The following TBATA variants were observed in gnomAD, a reference collection of about 807,000 sequenced individuals.
TBATA encodes protein TBATA.
Under a neutral mutation model 38.7 loss-of-function variants are expected in TBATA, and 47 were observed. The observed-to-expected ratio is 1.21, with a 90% confidence interval of 0.96 to 1.55. The LOEUF (loss-of-function observed/expected upper bound fraction) is 1.55, where lower values mean the gene tolerates loss of function less well. Ranked by LOEUF, TBATA falls within the 40% of genes most tolerant of loss-of-function variation. TBATA has a pLI of 0.00. For missense variants in TBATA, 436 were observed against 435.6 expected (o/e 1.00, Z -0.01); for synonymous variants, 183 against 170.5 (o/e 1.07, Z -0.57).
intron 3 of TBATA, 150 bp downstream of exon 3, chr10:70,783,189 G>C (rs532716825): frequency 2.3e-6 from 2 of 855,478 alleles, no homozygotes; most frequent in African/African-American, 1.7e-5. Flanking sequence ...GGACCCATTG[G>C]GGGGTCTGGC....
chr10:70,779,818 A>G, intron 4 of TBATA, 76 bp from the exon 5 acceptor site: 1 of 1,431,972 alleles, frequency 7.0e-7, no homozygotes, highest in African/African-American at 1.5e-5. Flanking sequence ...GAAGAGGCTG[A>G]GAGGCAGGGT....
intron 6 of TBATA, among the ~76,000 whole-genome samples, 163 bp from the exon 7 acceptor site, chr10:70,777,501 GC>G (rs1843572510): frequency 7.5e-6 from 1 of 132,810 alleles, no homozygotes; most frequent in East Asian, 2.2e-4. Context: ...ATCCAGCTCT[GC>G]CACCCCCCCA....
At chr10:70,774,091 C>T (rs1190650773) in intron 9 of TBATA, 122 bp downstream of exon 9, 2 of 1,361,468 alleles carry the variant, frequency 1.5e-6, no homozygotes, top group African/African-American at 1.4e-5. Context: ...GGGCCTCTGC[C>T]TCCAGGACAG....
rs567653359 is a variant in TBATA, at chr10:70,775,357, C to T, written c.694-87G>A. 23 of 1,221,150 alleles carry T rather than the reference C, an allele frequency of 1.9e-5. No homozygotes were observed. The African/African-American group carries it at 2.8e-4, about 15-fold the overall frequency. 75.6% of individuals were successfully genotyped at this position (1,221,150 alleles called of 1,614,324 possible). A position where few individuals can be genotyped will look rare whatever the true frequency, so the allele number is the denominator to read the frequency against. On this transcript the variant is annotated intron_variant, in intron 7 of 10. Coordinates refer to ENST00000456372, the MANE Select transcript of TBATA (RefSeq NM_001318241.2). The stretch of plus-strand genomic sequence containing the variant: ...AGGTTTGGAGGGCACCAAGGAGACC[C>T]TTCCCCCAAAGTGGGCTCCCAGAGG...
rs368906105 is a variant in TBATA at position 70,775,288 on chromosome 10, G to A, written c.694-18C>T. 25 of 1,607,212 alleles carry A rather than the reference G, an allele frequency of 1.6e-5. No homozygotes were observed. Among genetic ancestry groups the A allele is most frequent in the Non-Finnish European group, 2.0e-5 (24 of 1,173,762 alleles). On this transcript the variant is annotated intron_variant, in intron 7 of 10. Transcript: ENST00000456372. The stretch of plus-strand genomic sequence containing the variant: ...TCCAGGACCTGTGGGCAGGAGGCCA[G>A]CACATTCCAGCCAGGAGTACAGGCA...
intron 4 of TBATA, 82 bp downstream of exon 4, chr10:70,781,719 C>G (rs1270731409): frequency 7.5e-7 from 1 of 1,324,870 alleles, no homozygotes; most frequent in African/African-American, 1.4e-5. Flanking sequence ...TGGAAATGGG[C>G]TGCCATCAAT....
At position 70,778,651 on chromosome 10, in the gene TBATA, C is replaced by T. The variant is rs1564588570; in HGVS notation, c.428-15G>A. ...CTTCCAGGCTTCTGGGAGGAGGGGACAAGGTCCTGCCAACTGAAGTCAGGG... is the reference window on the plus strand; with the variant it reads ...CTTCCAGGCTTCTGGGAGGAGGGGATAAGGTCCTGCCAACTGAAGTCAGGG... On this transcript the variant is annotated splice_polypyrimidine_tract_variant and intron_variant, in intron 5 of 10. Coordinates refer to ENST00000456372, the MANE Select transcript of TBATA (RefSeq NM_001318241.2). 13 of 1,613,714 alleles carry T rather than the reference C, an allele frequency of 8.1e-6. No homozygotes were observed. Among genetic ancestry groups the T allele is most frequent in the South Asian group, 1.1e-5 (1 of 91,068 alleles).
At chr10:70,775,790 G>A (rs1467390976) in intron 7 of TBATA, among the ~76,000 whole-genome samples, 1 of 152,196 alleles carries the variant, frequency 6.6e-6, no homozygotes, top group Admixed American at 6.5e-5. Context: ...AAAAGGGATG[G>A]GGGAAGCCCA....
At chr10:70,782,449 G>A (rs1844359243) in intron 3 of TBATA, 1 of 1,293,864 alleles carries the variant, frequency 7.7e-7, no homozygotes, top group Middle Eastern at 2.4e-4. Flanking sequence ...AAGCCAGACT[G>A]TGGACAGCCC....
intron 9 of TBATA, 50 bp downstream of exon 9, chr10:70,774,163 C>A (rs372755762): frequency 1.2e-6 from 2 of 1,601,954 alleles, no homozygotes; most frequent in South Asian, 1.1e-5. Flanking sequence ...ACTGGCCTCA[C>A]CTGGGAGGAC....
chr10:70,775,070 C>G, intron 8 of TBATA, 119 bp downstream of exon 8: 1 of 896,388 alleles, frequency 1.1e-6, no homozygotes, highest in Non-Finnish European at 1.7e-6. Context: ...GGAGAGGCCT[C>G]CATGGAAGGC....
rs980851147 is a variant in TBATA at position 70,772,549 on chromosome 10, G to A, written c.938C>T (p.Thr313Met). ...EPPCSQSPKK[T>M]KISPFTKSEK... ...GCTTTTTGTAAAAGGTGATATCTTC[G>A]TTTTCTTCGGGGATTGACTGTGACC... Residue 313 changes from threonine to methionine, a missense_variant, in exon 10 of 11, where the codon ACG becomes ATG. Coordinates refer to ENST00000456372, the MANE Select transcript of TBATA (RefSeq NM_001318241.2). 5.6e-6 allele frequency: 9 copies of A among 1,614,002 alleles called. No homozygotes were observed. Among genetic ancestry groups the A allele is most frequent in the South Asian group, 3.3e-5 (3 of 91,088 alleles).
chr10:70,772,340 T>C (rs767856941), intron 10 of TBATA, 174 bp downstream of exon 10: 2 of 747,368 alleles, frequency 2.7e-6, no homozygotes, highest in South Asian at 2.9e-5. Flanking sequence ...CAGCACATTG[T>C]GGGTGCTCGA....
chr10:70,777,312 C>T lies in TBATA; in HGVS notation c.534G>A (p.Leu178=), dbSNP rs777382496. The T allele has an allele frequency of 2.4e-5, 38 of 1,613,536 alleles. No individual in the cohort carries two copies. The highest frequency in any genetic ancestry group is 1.3e-4 in the East Asian group (6 of 44,884). The part of the protein sequence containing the change: ...KEQKEQKEEP[L]REQGAKYSAE... ...CTGAGTACTTTGCCCCCTGCTCCCG[C>T]AGAGGCTCCTCCTTCTGCTCCTTCT... Residue 178 remains leucine (L), a synonymous_variant, in exon 7 of 11, where the codon CTG becomes CTA. Transcript: ENST00000456372.
At chr10:70,777,405 A>G in intron 6 of TBATA, 67 bp from the exon 7 acceptor site, 1 of 1,477,568 alleles carries the variant, frequency 6.8e-7, no homozygotes, top group African/African-American at 1.4e-5. Context: ...TGAGGGGAGG[A>G]GAGGAGCAGG....
In TBATA at chr10:70,779,442, C is replaced by T. The variant is rs1015085534; in HGVS notation, c.427+151G>A. The T allele has an allele frequency of 1.9e-5, 18 of 931,536 alleles. 2 individuals are homozygous for T. In the South Asian group the frequency reaches 5.2e-4, roughly 27 times the overall value. The allele number at this position is 931,536 out of a possible 1,614,324, so 57.7% of individuals were successfully genotyped here. A position where few individuals can be genotyped will look rare whatever the true frequency, so the allele number is the denominator to read the frequency against. On this transcript the variant is annotated intron_variant, in intron 5 of 10. Transcript: ENST00000456372. ...GGAGTAATGCAGAGATTAGGCTGTC[C>T]AAGGAAATGGGAGAAAAAGTGGGGT...
In TBATA at chr10:70,771,412, T is replaced by G. The variant is rs1447383114; in HGVS notation, c.1023A>C (p.Thr341=). 5.0e-6 allele frequency: 8 copies of G among 1,614,178 alleles called. No homozygotes were observed. Among genetic ancestry groups the G allele is most frequent in the Non-Finnish European group, 6.8e-6 (8 of 1,180,022 alleles). ...QVLQMHSSQN[T]EKKTSKPRAE... ...CCCTCGGCTTCGATGTCTTCTTCTCTGTGTTCTGGCTTGAATGCATCTGGA... is the reference window on the plus strand; with the variant it reads ...CCCTCGGCTTCGATGTCTTCTTCTCGGTGTTCTGGCTTGAATGCATCTGGA... Residue 341 remains threonine (T), a synonymous_variant, in exon 11 of 11, where the codon ACA becomes ACC. Transcript: ENST00000456372.
At chr10:70,773,473 G>C (rs55848406) in intron 9 of TBATA, among the ~76,000 whole-genome samples, 121,926 of 151,290 alleles carry the variant, frequency 0.81, 49,294 homozygotes, top group Non-Finnish European at 0.85. Flanking sequence ...AGGCCCCCCC[G>C]GCTTCACCCC....
intron 4 of TBATA, 114 bp from the exon 5 acceptor site, chr10:70,779,856 C>T (rs1843932608): frequency 8.9e-7 from 1 of 1,118,864 alleles, no homozygotes; most frequent in Non-Finnish European, 1.2e-6. Context: ...TTCCAGTAAC[C>T]ACCAGCTGAT....
Sources: allele counts gnomAD v4.1 joint callset (sites outside exome capture counted in the v4.1 genomes callset), GRCh38; gene constraint gnomAD v4.1.1; transcripts MANE v1.5; gene names NCBI Gene and HGNC (gene_info 2026-07-23, HGNC 2026-07-21).